Variants in LUZP2 observed in about 807,000 individuals in gnomAD.
LUZP2 encodes leucine zipper protein 2.
Under a neutral mutation model 51.6 loss-of-function variants are expected in LUZP2, and 52 were observed. The observed-to-expected ratio is 1.01, with a 90% CI of 0.81 to 1.27. The LOEUF (loss-of-function observed/expected upper bound fraction) is 1.27, where lower values mean the gene tolerates loss of function less well. Among genes scored for constraint, LUZP2 ranks in the 50% most tolerant of loss-of-function variants. LUZP2 has a pLI of 0.00. For missense variants in LUZP2, 436 were observed against 395.4 expected, an observed-to-expected ratio of 1.10 and a Z score of -0.87; for synonymous variants, 154 against 137.3, an observed-to-expected ratio of 1.12 and a Z score of -0.85.
chr11:25,030,092 G>A (rs7128365), intron 9 of LUZP2, among the ~76,000 whole-genome samples: 87,967 of 151,876 alleles, frequency 0.58, 26,558 homozygotes, highest in African/African-American at 0.75. Flanking sequence ...TGTGTTTATC[G>A]TTCCCAACCT....
At chr11:24,928,027 T>A (rs1854331603) in intron 7 of LUZP2, among the ~76,000 whole-genome samples, 1 of 152,100 alleles carries the variant, frequency 6.6e-6, no homozygotes. Context: ...AGTTCTTGAT[T>A]TATTTATCAG....
At chr11:24,777,966 T>C (rs1201813213) in intron 5 of LUZP2, among the ~76,000 whole-genome samples, 1 of 152,144 alleles carries the variant, frequency 6.6e-6, no homozygotes, top group Non-Finnish European at 1.5e-5. Flanking sequence ...TGTAATATAG[T>C]AGGCACTTGA....
intron 1 of LUZP2, among the ~76,000 whole-genome samples, chr11:24,647,628 G>T (rs1167812059): frequency 6.6e-6 from 1 of 151,792 alleles, no homozygotes; most frequent in Admixed American, 6.6e-5. Context: ...ACATCACTTT[G>T]GGTATATGGT....
At chr11:24,876,719 C>T (rs1852278626) in intron 5 of LUZP2, among the ~76,000 whole-genome samples, 1 of 152,114 alleles carries the variant, frequency 6.6e-6, no homozygotes, top group South Asian at 2.1e-4. Context: ...ATTGATTCTT[C>T]CTACCCATGA....
chr11:24,919,723 CTT>C, intron 7 of LUZP2, among the ~76,000 whole-genome samples: 1 of 149,606 alleles, frequency 6.7e-6, no homozygotes, highest in South Asian at 2.1e-4. Flanking sequence ...TTATTTTTAA[CTT>C]GAGTTATAGT....
chr11:24,804,325 T>C (rs1228003992), intron 5 of LUZP2, among the ~76,000 whole-genome samples: 2 of 152,160 alleles, frequency 1.3e-5, no homozygotes, highest in Non-Finnish European at 2.9e-5. Flanking sequence ...AGGAATGTTA[T>C]AGAAATTTTA....
At chr11:24,513,905 G>A (rs1850387285) in intron 1 of LUZP2, among the ~76,000 whole-genome samples, 1 of 152,226 alleles carries the variant, frequency 6.6e-6, no homozygotes, top group Admixed American at 6.5e-5. Flanking sequence ...TTGCCAAACA[G>A]AATGCTAATT....
At chr11:24,617,237 T>C (rs548718585) in intron 1 of LUZP2, among the ~76,000 whole-genome samples, 1 of 152,280 alleles carries the variant, frequency 6.6e-6, no homozygotes, top group African/African-American at 2.4e-5. Context: ...CCTCTGTACT[T>C]TCTATTCTGC....
At chr11:24,770,654 G>T (rs1320197855) in intron 5 of LUZP2, among the ~76,000 whole-genome samples, 1 of 152,086 alleles carries the variant, frequency 6.6e-6, no homozygotes, top group East Asian at 1.9e-4. Flanking sequence ...TTCCCAAGTA[G>T]TTCCAAATAG....
intron 1 of LUZP2, among the ~76,000 whole-genome samples, chr11:24,583,869 A>T (rs967818964): frequency 9.9e-6 from 1 of 101,012 alleles, no homozygotes; most frequent in African/African-American, 3.2e-5. Context: ...ATGACCAGCT[A>T]ATTTTTTGTA....
chr11:24,834,813 T>C (rs567693833), intron 5 of LUZP2, among the ~76,000 whole-genome samples: 3 of 152,360 alleles, frequency 2.0e-5, no homozygotes, highest in Admixed American at 1.3e-4. Flanking sequence ...TATCTCATTG[T>C]GGTTTTGATT....
chr11:24,960,107 A>G (rs1451062188), intron 7 of LUZP2, among the ~76,000 whole-genome samples: 3 of 152,096 alleles, frequency 2.0e-5, no homozygotes, highest in Non-Finnish European at 2.9e-5. Flanking sequence ...AGCCCACTTG[A>G]TCATGGTGGA....
intron 7 of LUZP2, among the ~76,000 whole-genome samples, chr11:24,932,714 A>G (rs1364843433): frequency 6.6e-6 from 1 of 152,110 alleles, no homozygotes; most frequent in Admixed American, 6.5e-5. Flanking sequence ...AACTTGCCCC[A>G]GGCTACTGGC....
chr11:25,021,462 A>C (rs1253271607), intron 9 of LUZP2, among the ~76,000 whole-genome samples: 2 of 151,584 alleles, frequency 1.3e-5, no homozygotes, highest in Admixed American at 1.3e-4. Flanking sequence ...CATGCAGGTG[A>C]GAAAGAATGA....
chr11:24,955,781 C>T (rs1164676388), intron 7 of LUZP2, among the ~76,000 whole-genome samples: 2 of 151,946 alleles, frequency 1.3e-5, no homozygotes, highest in Non-Finnish European at 2.9e-5. Context: ...TTAATGACCT[C>T]TAAAGATAAT....
intron 8 of LUZP2, 126 bp from the exon 9 acceptor site, chr11:24,983,000 G>A: frequency 1.2e-6 from 1 of 822,488 alleles, no homozygotes; most frequent in Non-Finnish European, 1.9e-6. Context: ...TATAAATTAG[G>A]CAATTACATT....
At chr11:24,867,500 C>A (rs985616631) in intron 5 of LUZP2, among the ~76,000 whole-genome samples, 6 of 152,254 alleles carry the variant, frequency 3.9e-5, no homozygotes, top group Middle Eastern at 3.4e-3. Context: ...CTGCAGTTGA[C>A]CTACCCTTGC....
intron 9 of LUZP2, among the ~76,000 whole-genome samples, chr11:25,041,448 A>G (rs1858056223): frequency 6.6e-6 from 1 of 152,174 alleles, no homozygotes; most frequent in African/African-American, 2.4e-5. Flanking sequence ...GTGAAACCAT[A>G]TATAAGGGGT....
intron 9 of LUZP2, among the ~76,000 whole-genome samples, chr11:25,041,852 C>T (rs1181475845): frequency 6.6e-6 from 1 of 152,188 alleles, no homozygotes; most frequent in East Asian, 1.9e-4. Flanking sequence ...ACCACCTGAG[C>T]TCTGCCTCCT....
Sources: allele counts gnomAD v4.1 joint callset (sites outside exome capture counted in the v4.1 genomes callset), GRCh38; gene constraint gnomAD v4.1.1; transcripts MANE v1.5; gene names NCBI Gene and HGNC (gene_info 2026-07-23, HGNC 2026-07-21).